ADCY9: variants seen among roughly 807,000 people sequenced by gnomAD.
ADCY9 encodes adenylate cyclase 9.
ADCY9 carries 50 observed loss-of-function variants against 101.5 expected under a neutral mutation model. The ratio of observed to expected loss-of-function variants is 0.49; its 90% CI spans 0.39 to 0.62. The LOEUF (loss-of-function observed/expected upper bound fraction) is 0.62. Ranked by LOEUF, ADCY9 falls within the 20% of genes least tolerant of loss-of-function variation. The pLI is 0.00. For synonymous variants in ADCY9, 905 were observed against 769.3 expected (o/e 1.18, Z -2.92); for missense variants, 1,662 against 1,800.4 (o/e 0.92, Z 1.39).
chr16:4,006,705 T>G (rs186523813), intron 3 of ADCY9, among the ~76,000 whole-genome samples: 152 of 152,226 alleles, frequency 1.0e-3, no homozygotes, highest in Non-Finnish European at 1.8e-3. Context: ...GTGGGGAAAC[T>G]AAATCAAATG....
chr16:3,955,567 G>A (rs1456275897), intron 5 of ADCY9, among the ~76,000 whole-genome samples: 6 of 151,214 alleles, frequency 4.0e-5, no homozygotes, highest in African/African-American at 7.3e-5. Context: ...TGTTTTAGAC[G>A]GAGTCTTGCT....
chr16:3,964,875 C>T lies in ADCY9; in HGVS notation c.*900G>A, dbSNP rs895496358. 1.3e-5 allele frequency: 2 copies of T among 150,296 alleles called. No homozygotes were observed. Among genetic ancestry groups the T allele is most frequent in the Admixed American group, 1.4e-4 (2 of 14,550 alleles). The allele number at this position is 150,296 out of a possible 1,614,324, so 9.3% of individuals were successfully genotyped here. A position where few individuals can be genotyped will look rare whatever the true frequency, so the allele number is the denominator to read the frequency against. On this transcript the variant is annotated 3_prime_UTR_variant, in exon 11 of 11. Transcript: ENST00000294016. ...AGCACCCCTCCCGGGAGCGCACATG[C>T]TTCCGGGTAAATAAATAAATAAATA...
chr16:4,113,421 G>C (rs1461974289), intron 2 of ADCY9, among the ~76,000 whole-genome samples: 1 of 152,192 alleles, frequency 6.6e-6, no homozygotes, highest in Non-Finnish European at 1.5e-5. Flanking sequence ...GCTAAACAGT[G>C]CTGAATGCTG....
chr16:3,991,337 C>T (rs1010838486), intron 5 of ADCY9, among the ~76,000 whole-genome samples: 2 of 152,090 alleles, frequency 1.3e-5, no homozygotes, highest in African/African-American at 2.4e-5. Flanking sequence ...ACTGCGTGTC[C>T]CTGGAGAGGA....
chr16:4,024,537 G>C (rs912775057), intron 2 of ADCY9, among the ~76,000 whole-genome samples: 2 of 152,046 alleles, frequency 1.3e-5, no homozygotes, highest in Admixed American at 6.6e-5. Context: ...TTATGTTCCA[G>C]GATCCCATCC....
At chr16:4,026,057 T>A (rs140383953) in intron 2 of ADCY9, among the ~76,000 whole-genome samples, 1 of 152,102 alleles carries the variant, frequency 6.6e-6, no homozygotes, top group South Asian at 2.1e-4. Context: ...TGGGTGAATA[T>A]AGAAATGAAT....
intron 3 of ADCY9, among the ~76,000 whole-genome samples, chr16:4,000,307 G>A (rs2056320667): frequency 1.3e-5 from 2 of 152,184 alleles, no homozygotes; most frequent in Admixed American, 1.3e-4. Flanking sequence ...GAGCCACACG[G>A]TACGGTCGGA....
At position 4,114,177 on chromosome 16, in the gene ADCY9, C is replaced by A; in HGVS notation, c.1266G>T (p.Leu422=). 1 of 1,613,928 alleles carries A rather than the reference C, an allele frequency of 6.2e-7. No homozygotes were observed. Among genetic ancestry groups the A allele is most frequent in the Non-Finnish European group, 8.5e-7 (1 of 1,180,024 alleles). The change falls in exon 2 of 11, where the codon CTG becomes CTT. Residue 422 remains leucine, a synonymous_variant. Coordinates refer to ENST00000294016, the MANE Select transcript of ADCY9 (RefSeq NM_001116.4). The surrounding 1 kb of genome is among the most constrained non-coding windows in gnomAD (Gnocchi z 4.3). ...AHALVGLLND[L]FGRFDRLCEE... is the part of the protein sequence containing the mutation. Reference sequence around the variant, plus strand: ...CACACAGGCGGTCGAAGCGACCGAACAGATCGTTCAGGAGACCCACCAGGG... The same window carrying A: ...CACACAGGCGGTCGAAGCGACCGAAAAGATCGTTCAGGAGACCCACCAGGG...
chr16:4,114,735 G>A lies in ADCY9; in HGVS notation c.708C>T (p.Thr236=), dbSNP rs752324868. 2.2e-5 allele frequency: 35 copies of A among 1,613,010 alleles called. No homozygotes were observed. The highest frequency in any genetic ancestry group is 6.7e-5 in the African/African-American group (5 of 74,940). ...MCIEVLFLLY[T]VMHLPLYLSL... is the part of the protein sequence containing the mutation. The stretch of plus-strand genomic sequence containing the variant: ...TCAGGTACAAAGGTAAGTGCATGAC[G>A]GTATAGAGCAAAAAGAGCACTTCGA... The change falls in exon 2 of 11, where the codon ACC becomes ACT. Residue 236 remains threonine (T), a synonymous_variant. Transcript: ENST00000294016. The surrounding 1 kb of genome is among the most constrained non-coding windows in gnomAD (Gnocchi z 4.3).
Position 3,966,682 on chromosome 16 carries a change from T to C in ADCY9, c.3155A>G (p.Lys1052Arg), listed in dbSNP as rs1180128663. The change falls in exon 11 of 11, where the codon AAG becomes AGG. Residue 1052 changes from lysine to arginine, a missense_variant. Lys to Arg is a conservative substitution (Grantham distance 26). Around this residue, in one of 5 missense-constraint regions of ADCY9, gnomAD observed 220 missense variants for 312.9 expected, o/e 0.70. Coordinates refer to ENST00000294016, the MANE Select transcript of ADCY9 (RefSeq NM_001116.4). ...GATCACCCCTCCGCTGTCATGGTTC[T>C]TGGAGTAGGTCTGGGACACCTTCAG... ...EQLKVSQTYS[K>R]NHDSGGVIFA... is the part of the protein sequence containing the mutation. 5.0e-6 allele frequency: 8 copies of C among 1,614,150 alleles called. No homozygotes were observed. The highest frequency in any genetic ancestry group is 6.8e-6 in the Non-Finnish European group (8 of 1,179,990).
At chr16:4,060,940 G>A (rs1185652488) in intron 2 of ADCY9, among the ~76,000 whole-genome samples, 1 of 152,092 alleles carries the variant, frequency 6.6e-6, no homozygotes, top group Non-Finnish European at 1.5e-5. Context: ...CTGTAAGAAT[G>A]GAACTGAAGG....
At chr16:3,988,827 A>G (rs147527034) in intron 6 of ADCY9, among the ~76,000 whole-genome samples, 167 bp downstream of exon 6, 1 of 152,350 alleles carries the variant, frequency 6.6e-6, no homozygotes, top group East Asian at 1.9e-4. Context: ...CCTCCTTTGC[A>G]AAGAGACATT....
intron 4 of ADCY9, chr16:3,993,204 G>A (rs562143694): frequency 1.2e-4 from 103 of 835,524 alleles, no homozygotes; most frequent in Middle Eastern, 6.5e-4. Context: ...GCCCCTGAGC[G>A]CTGGTTTCCA....
intron 2 of ADCY9, among the ~76,000 whole-genome samples, chr16:4,099,860 T>C (rs1231457656): frequency 6.6e-6 from 1 of 152,216 alleles, no homozygotes; most frequent in African/African-American, 2.4e-5. Flanking sequence ...GAGACCAGCC[T>C]AGGCAACATG....
At chr16:4,059,977 G>C (rs977796128) in intron 2 of ADCY9, among the ~76,000 whole-genome samples, 11 of 152,334 alleles carry the variant, frequency 7.2e-5, no homozygotes, top group African/African-American at 1.9e-4. Context: ...GCTTTGGCTT[G>C]AGGGGCTCCC....
At chr16:4,076,032 C>A (rs915331386) in intron 2 of ADCY9, among the ~76,000 whole-genome samples, 3 of 152,074 alleles carry the variant, frequency 2.0e-5, no homozygotes, top group African/African-American at 7.2e-5. Flanking sequence ...GATGACAGAG[C>A]AAATGCAAAA....
At chr16:4,013,281 G>A (rs947849074) in intron 2 of ADCY9, among the ~76,000 whole-genome samples, 31 of 151,842 alleles carry the variant, frequency 2.0e-4, no homozygotes, top group African/African-American at 7.2e-4. Context: ...CAAGCCAGGC[G>A]TGGCGGCACA....
In ADCY9 at chr16:4,041,178, T is replaced by C. The variant is rs367738655; in HGVS notation, c.1694-33620A>G. Among the ~76,000 whole-genome samples, 20 of 152,278 alleles carry C rather than the reference T, an allele frequency of 1.3e-4. No individual in the cohort carries two copies. In the East Asian group the frequency reaches 3.1e-3, roughly 24 times the overall value. On this transcript the variant is annotated intron_variant, in intron 2 of 10. Transcript: ENST00000294016. ...AAGCCACTCCACACTCATCCTTCTC[T>C]GAATTTCTACCCTTATTTTTTCCTT...
intron 2 of ADCY9, among the ~76,000 whole-genome samples, chr16:4,063,289 A>G (rs1009632794): frequency 6.6e-5 from 10 of 152,224 alleles, no homozygotes; most frequent in African/African-American, 2.2e-4. Context: ...AAAATACTTC[A>G]AACTGGATGA....
Sources: gnomAD v4.1 joint callset for allele counts (sites outside exome capture counted in the v4.1 genomes callset) on GRCh38, gnomAD v4.1.1 for gene constraint, gnomAD v4.1.1 regional missense constraint, Gnocchi (gnomAD v3.1) non-coding constraint, MANE v1.5 for transcripts, NCBI Gene and HGNC (gene_info 2026-07-23, HGNC 2026-07-21) for gene names.